Variants in RORA observed in about 807,000 individuals in gnomAD.
The protein encoded by RORA is nuclear receptor ROR-alpha.
Under a neutral mutation model 69.5 loss-of-function variants are expected in RORA, and 7 were observed. The observed-to-expected ratio is 0.10, with a 90% CI of 0.06 to 0.19. The LOEUF (loss-of-function observed/expected upper bound fraction) is 0.19, where lower values mean the gene tolerates loss of function less well. Among genes scored for constraint, RORA ranks in the 10% least tolerant of loss-of-function variants. The pLI is 1.00. For synonymous variants in RORA, 261 were observed against 240.8 expected, an observed-to-expected ratio of 1.08 and a Z score of -0.78; for missense variants, 457 against 663.0, an observed-to-expected ratio of 0.69 and a Z score of 3.41.
At chr15:60,897,712 C>A (rs1891267428) in intron 1 of RORA, among the ~76,000 whole-genome samples, 1 of 152,202 alleles carries the variant, frequency 6.6e-6, no homozygotes, top group Non-Finnish European at 1.5e-5. Flanking sequence ...GATGAAATTG[C>A]ACTTCCCTCA....
chr15:61,123,325 C>T (rs765737358), intron 1 of RORA, among the ~76,000 whole-genome samples: 11 of 152,028 alleles, frequency 7.2e-5, no homozygotes, highest in Middle Eastern at 3.2e-3. Context: ...GAAACGGCTT[C>T]GTTCATTCAC....
At chr15:60,542,955 C>T (rs2066942314) in intron 2 of RORA, among the ~76,000 whole-genome samples, 1 of 150,432 alleles carries the variant, frequency 6.6e-6, no homozygotes, top group Non-Finnish European at 1.5e-5. Flanking sequence ...ACGCACCCTA[C>T]ACACACCCCC....
chr15:60,829,486 G>C (rs1179968876), intron 1 of RORA, among the ~76,000 whole-genome samples: 1 of 152,144 alleles, frequency 6.6e-6, no homozygotes, highest in Non-Finnish European at 1.5e-5. Context: ...TCTAGCTTGA[G>C]TTCTAGTCCC....
chr15:60,577,644 CAAAAAAAAA>C (rs34467661), intron 2 of RORA, among the ~76,000 whole-genome samples: 1 of 104,784 alleles, frequency 9.5e-6, no homozygotes, highest in Non-Finnish European at 2.0e-5. Context: ...ACTCTGTTTC[CAAAAAAAAA>C]AAAAAAAAAG....
At chr15:60,945,459 G>A (rs1026448146) in intron 1 of RORA, among the ~76,000 whole-genome samples, 1 of 152,114 alleles carries the variant, frequency 6.6e-6, no homozygotes, top group Non-Finnish European at 1.5e-5. Context: ...CATGGCTGCT[G>A]CAGACAAGAA....
intron 3 of RORA, 75 bp from the exon 4 acceptor site, chr15:60,514,832 G>A: frequency 2.9e-6 from 3 of 1,051,188 alleles, no homozygotes; most frequent in Non-Finnish European, 4.3e-6. Flanking sequence ...AGGATGCTAA[G>A]CACTGAGTGG....
chr15:60,541,761 T>C (rs1208156266), intron 2 of RORA, among the ~76,000 whole-genome samples: 4 of 152,172 alleles, frequency 2.6e-5, no homozygotes, highest in Non-Finnish European at 2.9e-5. Context: ...GTCATTTTTT[T>C]CCCCAAGAAA....
intron 1 of RORA, among the ~76,000 whole-genome samples, chr15:60,818,271 G>C (rs185381781): frequency 2.8e-4 from 43 of 152,244 alleles, no homozygotes; most frequent in Admixed American, 2.6e-3. Context: ...ATAATAATAT[G>C]TTAAAATGCA....
chr15:60,963,853 G>T (rs540497818), intron 1 of RORA, among the ~76,000 whole-genome samples: 1 of 152,332 alleles, frequency 6.6e-6, no homozygotes, highest in East Asian at 1.9e-4. Context: ...CTCTTCACAA[G>T]CTTTCTGGCT....
intron 1 of RORA, among the ~76,000 whole-genome samples, chr15:60,830,133 A>AT (rs1290309106): frequency 6.6e-5 from 10 of 152,352 alleles, no homozygotes; most frequent in African/African-American, 1.9e-4. Context: ...ACCTTCACCC[A>AT]TTTTTTAAAT....
chr15:60,721,395 A>C (rs2071291686), intron 1 of RORA, among the ~76,000 whole-genome samples: 1 of 152,248 alleles, frequency 6.6e-6, no homozygotes. Context: ...TTGAAACCAC[A>C]ATAGCCAAGC....
chr15:60,820,422 G>A (rs1298499406), intron 1 of RORA, among the ~76,000 whole-genome samples: 2 of 152,134 alleles, frequency 1.3e-5, no homozygotes, highest in Admixed American at 6.5e-5. Flanking sequence ...GGTGTTGGAG[G>A]TCTTGAAGAA....
chr15:60,738,040 G>A lies in RORA; in HGVS notation c.167-59354C>T, dbSNP rs117295040. On this transcript the variant is annotated intron_variant, in intron 1 of 10. Coordinates refer to ENST00000335670, the MANE Select transcript of RORA (RefSeq NM_134261.3). ...CTTTTGGAAGTGAATGGGAAGAGAC[G>A]CTTGAAAAGAAAGACCTATTGGGAG... 1.8e-3 allele frequency among the ~76,000 whole-genome samples: 271 copies of A among 152,300 alleles called. 1 individual carries two copies. Among genetic ancestry groups the A allele is most frequent in the Non-Finnish European group, 3.3e-3 (222 of 68,026 alleles).
At chr15:60,853,271 G>A (rs2073345160) in intron 1 of RORA, among the ~76,000 whole-genome samples, 1 of 152,184 alleles carries the variant, frequency 6.6e-6, no homozygotes, top group East Asian at 1.9e-4. Flanking sequence ...GCAAAGGTCA[G>A]GGGGGCTGTC....
chr15:60,523,069 A>C (rs1294418523), intron 3 of RORA, among the ~76,000 whole-genome samples: 1 of 151,968 alleles, frequency 6.6e-6, no homozygotes, highest in Non-Finnish European at 1.5e-5. Flanking sequence ...AAACTGATGA[A>C]AATTATAATA....
At chr15:60,916,483 T>C (rs1469859819) in intron 1 of RORA, among the ~76,000 whole-genome samples, 1 of 152,218 alleles carries the variant, frequency 6.6e-6, no homozygotes, top group Non-Finnish European at 1.5e-5. Flanking sequence ...GAGGAAGCAG[T>C]CGATGAGGAA....
At chr15:60,865,316 A>G (rs1458082868) in intron 1 of RORA, among the ~76,000 whole-genome samples, 1 of 152,180 alleles carries the variant, frequency 6.6e-6, no homozygotes, top group Non-Finnish European at 1.5e-5. Flanking sequence ...TCCAAGGTCC[A>G]TTTCAGATCT....
At chr15:60,641,347 C>T (rs910921966) in intron 2 of RORA, among the ~76,000 whole-genome samples, 7 of 152,114 alleles carry the variant, frequency 4.6e-5, no homozygotes, top group Non-Finnish European at 5.9e-5. Context: ...TGAATAAATA[C>T]GTATAATGGG....
At chr15:61,050,679 AG>A (rs1376762619) in intron 1 of RORA, among the ~76,000 whole-genome samples, 1 of 152,218 alleles carries the variant, frequency 6.6e-6, no homozygotes, top group Non-Finnish European at 1.5e-5. Context: ...CACAAGAGTC[AG>A]GGGTTGGTCT....
Sources: allele counts gnomAD v4.1 joint callset (sites outside exome capture counted in the v4.1 genomes callset), GRCh38; gene constraint gnomAD v4.1.1; transcripts MANE v1.5; gene names NCBI Gene and HGNC (gene_info 2026-07-23, HGNC 2026-07-21).